PWWP2A: variants seen among roughly 807,000 people sequenced by gnomAD.
The protein encoded by PWWP2A is PWWP domain-containing protein 2A.
A neutral mutation model predicts 48.5 loss-of-function variants in PWWP2A; 18 were observed. The ratio of observed to expected loss-of-function variants is 0.37; its 90% confidence interval spans 0.26 to 0.55. The LOEUF (loss-of-function observed/expected upper bound fraction) is 0.55. Among genes scored for constraint, PWWP2A ranks in the 20% least tolerant of loss-of-function variants. The probability of loss-of-function intolerance (pLI) is 0.81; values close to 1 mark genes in which losing one functional copy is unlikely to be tolerated. For synonymous variants in PWWP2A, 396 were observed against 387.7 expected (o/e 1.02, Z -0.25); for missense variants, 867 against 976.4 (o/e 0.89, Z 1.49).
intron 1 of PWWP2A, among the ~76,000 whole-genome samples, chr5:160,096,654 G>C (rs1338494208): frequency 6.6e-6 from 1 of 152,156 alleles, no homozygotes; most frequent in Admixed American, 6.5e-5. Context: ...TATAGAGACG[G>C]TGCCTCACTC....
chr5:160,101,366 A>G (rs550292159), intron 1 of PWWP2A, among the ~76,000 whole-genome samples: 3 of 152,304 alleles, frequency 2.0e-5, no homozygotes, highest in African/African-American at 7.2e-5. Context: ...AAAGGAAATC[A>G]TGGCACATGC....
intron 1 of PWWP2A, among the ~76,000 whole-genome samples, chr5:160,100,894 G>T (rs1482914056): frequency 6.6e-6 from 1 of 152,210 alleles, no homozygotes; most frequent in African/African-American, 2.4e-5. Context: ...ATATCCAAAA[G>T]AATTGAAAGC....
the PWWP2A span, among the ~76,000 whole-genome samples, chr5:160,045,510 ACACATACACACTCTCTCT>A: frequency 1.0e-3 from 60 of 58,576 alleles, 1 homozygote; most frequent in African/African-American, 3.5e-3. Flanking sequence ...ACACACACAC[ACACATACACACTCTCTCT>A]CTCTCTCTCT....
At chr5:160,113,094 G>T (rs963270605) in intron 1 of PWWP2A, 4 of 279,226 alleles carry the variant, frequency 1.4e-5, no homozygotes, top group African/African-American at 2.3e-5. Context: ...GGAGATGGAG[G>T]TTGCAGTGAG....
intron 4 of PWWP2A, chr5:160,063,737 A>C (rs993735453): frequency 6.6e-6 from 1 of 152,140 alleles, no homozygotes; most frequent in Non-Finnish European, 1.5e-5. Context: ...TCCCTGCCAA[A>C]ATTTTCTGGA....
In PWWP2A at chr5:160,078,411, G is replaced by A. The variant is rs1753999559; in HGVS notation, c.1670-243C>T. 6.6e-6 allele frequency among the ~76,000 whole-genome samples: 1 copy of A among 152,098 alleles called. No homozygotes were observed. Among genetic ancestry groups the A allele is most frequent in the South Asian group, 2.1e-4 (1 of 4,824 alleles). ...GGCCAGTTTCCAACACAAGTAAAAT[G>A]GCTGTCATCTTTACATAATCAATGT... On this transcript the variant is annotated intron_variant, in intron 3 of 3. Coordinates refer to the PWWP2A transcript ENST00000456329. The surrounding 1 kb of genome is among the most constrained non-coding windows in gnomAD (Gnocchi z 4.2).
In PWWP2A at chr5:160,078,920, T is replaced by C. The variant is rs894065836; in HGVS notation, c.1670-752A>G. Among the ~76,000 whole-genome samples the C allele has an allele frequency of 6.6e-6, 1 of 152,116 alleles. No homozygotes were observed. The highest frequency in any genetic ancestry group is 1.5e-5 in the Non-Finnish European group (1 of 68,022). ...TATAAAGGGCAAGGCTTATACAAAT[T>C]ACTGCTAAATAGCATGACCAGAATG... is the stretch of plus-strand genomic sequence containing the variant. On this transcript the variant is annotated intron_variant, in intron 3 of 3. Transcript: ENST00000456329. This position sits in a 1 kb window ranked among gnomAD's most constrained non-coding sequence, Gnocchi z 4.2.
At chr5:160,103,192 G>A (rs891092938) in intron 1 of PWWP2A, among the ~76,000 whole-genome samples, 1 of 152,144 alleles carries the variant, frequency 6.6e-6, no homozygotes, top group Non-Finnish European at 1.5e-5. Flanking sequence ...GAGTTTCCAA[G>A]AATTCTCTGC....
In PWWP2A at chr5:160,119,331, C is replaced by G; in HGVS notation, c.58G>C (p.Ala20Pro). The G allele has an allele frequency of 2.9e-6, 4 of 1,388,370 alleles. No homozygotes were observed. Among genetic ancestry groups the G allele is most frequent in the Non-Finnish European group, 3.7e-6 (4 of 1,077,632 alleles). 86.0% of individuals were successfully genotyped at this position (1,388,370 alleles called of 1,614,324 possible). A position where few individuals can be genotyped will look rare whatever the true frequency, so the allele number is the denominator to read the frequency against. The stretch of plus-strand genomic sequence containing the variant: ...TCCATCTCCGGCTCGGCCTCGCCGG[C>G]GCCCCCCTCCCCGGGGGACGCTGCA... ...ATAASPGEGG[A>P]GEAEPEMEPI... Residue 20 changes from alanine to proline, a missense_variant, in exon 1 of 2, where the codon GCC becomes CCC. Coordinates refer to ENST00000307063, the MANE Select transcript of PWWP2A (RefSeq NM_001130864.2).
chr5:160,085,876 C>T (rs528095157), intron 2 of PWWP2A, among the ~76,000 whole-genome samples: 166 of 149,894 alleles, frequency 1.1e-3, no homozygotes, highest in Non-Finnish European at 2.1e-3. Flanking sequence ...TGGAATGCAG[C>T]GGCACAATCC....
Position 160,070,139 on chromosome 5 carries a change from G to A in PWWP2A, c.*80-3268C>T, listed in dbSNP as rs1488434641. Among the ~76,000 whole-genome samples the A allele has an allele frequency of 2.0e-5, 3 of 152,118 alleles. No individual in the cohort carries two copies. The East Asian group carries it at 5.8e-4, about 29-fold the overall frequency. On this transcript the variant is annotated intron_variant and NMD_transcript_variant, in intron 2 of 5. Coordinates refer to the PWWP2A transcript ENST00000524050. The stretch of plus-strand genomic sequence containing the variant: ...TTCATTTTACTCATGGATCCATGCT[G>A]TTAAATTCACCTATTTTAAAAATCT...
chr5:160,085,356 A>T (rs983151380), intron 2 of PWWP2A, among the ~76,000 whole-genome samples: 1 of 152,224 alleles, frequency 6.6e-6, no homozygotes, highest in African/African-American at 2.4e-5. Flanking sequence ...AAGTGTGATC[A>T]TAACAGTCTA....
In PWWP2A at chr5:160,078,119, G is replaced by A. The variant is rs930478534; in HGVS notation, c.*36C>T. ...GTCCTGATGCTCTGGTGTTCTCTGT[G>A]TCATTGTGGTACAGGTCCATGAAAC... On this transcript the variant is annotated 3_prime_UTR_variant, in exon 4 of 4. Transcript: ENST00000456329. This position sits in a 1 kb window ranked among gnomAD's most constrained non-coding sequence, Gnocchi z 4.2. The A allele has an allele frequency of 2.6e-6, 4 of 1,534,292 alleles. No homozygotes were observed. Among genetic ancestry groups the A allele is most frequent in the South Asian group, 2.4e-5 (2 of 83,900 alleles).
chr5:160,091,806 T>C lies in PWWP2A; in HGVS notation c.*576A>G, dbSNP rs531670887. On this transcript the variant is annotated 3_prime_UTR_variant, in exon 2 of 2. Transcript: ENST00000307063. ...CATCTGTTTGTCAAACACCTAACCA[T>C]CTAACTTTTACACCATTATGCGCAT... 45 of 984,986 alleles carry C rather than the reference T, an allele frequency of 4.6e-5. No homozygotes were observed. Among genetic ancestry groups the C allele is most frequent in the Non-Finnish European group, 5.3e-5 (44 of 829,886 alleles). 61.0% of individuals were successfully genotyped at this position (984,986 alleles called of 1,614,324 possible).
chr5:160,117,386 G>A (rs1758246611), intron 1 of PWWP2A, among the ~76,000 whole-genome samples: 1 of 152,238 alleles, frequency 6.6e-6, no homozygotes, highest in South Asian at 2.1e-4. Flanking sequence ...CGGGCACGGC[G>A]GCTCATGCCT....
chr5:160,058,409 CTTTTTTTTTTTTT>C (rs1171929571), downstream of PWWP2A, among the ~76,000 whole-genome samples: 1 of 129,776 alleles, frequency 7.7e-6, no homozygotes, highest in Non-Finnish European at 1.7e-5. Context: ...AAGTGTATTT[CTTTTTTTTTTTTT>C]TTTTTTGAGA....
At chr5:160,063,247 GCT>G (rs770673478) in intron 5 of PWWP2A, among the ~76,000 whole-genome samples, 12 of 151,984 alleles carry the variant, frequency 7.9e-5, no homozygotes, top group Non-Finnish European at 1.8e-4. Flanking sequence ...CGTTTTTTTT[GCT>G]CTGTTACCCA....
downstream of PWWP2A, among the ~76,000 whole-genome samples, chr5:160,089,349 T>C (rs1476960098): frequency 6.6e-6 from 1 of 152,214 alleles, no homozygotes; most frequent in Non-Finnish European, 1.5e-5. Flanking sequence ...ACTATAGGCG[T>C]GCGCCACCAT....
intron 1 of PWWP2A, chr5:160,105,600 C>T: frequency 1.5e-6 from 1 of 650,698 alleles, no homozygotes; most frequent in Non-Finnish European, 1.9e-6. Context: ...GCAAGCATGC[C>T]AGAAGGGGAC....
Sources: gnomAD v4.1 joint callset for allele counts (sites outside exome capture counted in the v4.1 genomes callset) on GRCh38, gnomAD v4.1.1 for gene constraint, Gnocchi (gnomAD v3.1) non-coding constraint, MANE v1.5 for transcripts, NCBI Gene and HGNC (gene_info 2026-07-23, HGNC 2026-07-21) for gene names.